The following CARNS1 variants were observed in gnomAD, a reference collection of about 807,000 sequenced individuals.
CARNS1 encodes ATP-grasp domain containing 1.
A neutral mutation model predicts 74.0 loss-of-function variants in CARNS1; 61 were observed. The observed-to-expected ratio is 0.82, with a 90% CI of 0.67 to 1.02. The LOEUF (loss-of-function observed/expected upper bound fraction) is 1.02. CARNS1 is among the 50% of genes least tolerant of loss of function. The pLI is 0.00. For missense variants in CARNS1, 1,278 were observed against 1,308.4 expected (o/e 0.98, Z 0.36); for synonymous variants, 568 against 605.5 (o/e 0.94, Z 0.91).
rs1173780701 is a variant in CARNS1 at position 67,420,975 on chromosome 11, T to C, written c.1382T>C (p.Leu461Pro). The change falls in exon 9 of 10, where the codon CTG (leucine) becomes CCG (proline). Residue 461 changes from leucine to proline, a missense_variant. Leu to Pro is a moderately conservative substitution (Grantham distance 98). Coordinates refer to ENST00000687366, the MANE Select transcript of CARNS1 (RefSeq NM_001166222.2). ...DFALTAAGGV[L>P]TPVALELNGG... ...GCGCTGACAGCGGCCGGCGGCGTGC[T>C]GACCCCAGTGGCCCTGGAGCTGAAC... is the stretch of plus-strand genomic sequence containing the variant. The C allele has an allele frequency of 1.4e-6, 2 of 1,429,242 alleles. No individual in the cohort carries two copies. The highest frequency in any genetic ancestry group is 2.7e-5 in the South Asian group (2 of 73,582). The allele number at this position is 1,429,242 out of a possible 1,614,324, so 88.5% of individuals were successfully genotyped here.
chr11:67,419,866 A>G, intron 7 of CARNS1, 28 bp downstream of exon 7: 4 of 1,553,174 alleles, frequency 2.6e-6, no homozygotes, highest in Non-Finnish European at 3.5e-6. Flanking sequence ...CCAGGCTGTG[A>G]CCCTGCCTGC....
chr11:67,416,112 G>A (rs1254133690), intron 1 of CARNS1, 64 bp from the exon 2 acceptor site: 3 of 998,612 alleles, frequency 3.0e-6, no homozygotes, highest in South Asian at 1.4e-5. Context: ...GGGGCTGGAA[G>A]GCCAGGCAGG....
chr11:67,419,885 A>G, intron 7 of CARNS1, 47 bp downstream of exon 7: 1 of 1,540,552 alleles, frequency 6.5e-7, no homozygotes, highest in South Asian at 1.2e-5. Context: ...GCCACACGCC[A>G]GCCCAGTCCC....
intron 9 of CARNS1, among the ~76,000 whole-genome samples, 163 bp downstream of exon 9, chr11:67,421,382 A>T (rs974146101): frequency 6.6e-6 from 1 of 152,174 alleles, no homozygotes; most frequent in Non-Finnish European, 1.5e-5. Context: ...AAGTAAGCCC[A>T]GGAGTAAGGG....
chr11:67,425,205 T>C lies in CARNS1; in HGVS notation c.*604T>C, dbSNP rs997631185. On this transcript the variant is annotated 3_prime_UTR_variant, in exon 10 of 10. Transcript: ENST00000687366. ...CACCCCAGGCAGACACAACTGCCTATGTTCCCCCGATGAGAGGAAACAGGC... is the reference window on the plus strand; with the variant it reads ...CACCCCAGGCAGACACAACTGCCTACGTTCCCCCGATGAGAGGAAACAGGC... The C allele has an allele frequency of 2.3e-5, 9 of 391,006 alleles. No homozygotes were observed. Among genetic ancestry groups the C allele is most frequent in the Non-Finnish European group, 2.0e-5 (4 of 196,060 alleles). 24.2% of individuals were successfully genotyped at this position (391,006 alleles called of 1,614,324 possible).
rs926414866 is a variant in CARNS1, at chr11:67,416,933, G to A, written c.4-474G>A. ...ACAGTGGAATCACATTTAGGTGTCA[G>A]CACACTCCATGCCGGGTCATGAGAC... On this transcript the variant is annotated intron_variant, in intron 2 of 9. Transcript: ENST00000687366. 4 of 988,194 alleles carry A rather than the reference G, an allele frequency of 4.0e-6. No individual in the cohort carries two copies. In the African/African-American group the frequency reaches 5.2e-5, roughly 13 times the overall value. 61.2% of individuals were successfully genotyped at this position (988,194 alleles called of 1,614,324 possible).
chr11:67,415,960 A>C, intron 1 of CARNS1, 197 bp downstream of exon 1: 3 of 442,748 alleles, frequency 6.8e-6, no homozygotes, highest in Admixed American at 3.5e-5. Context: ...CCAGGGCAGG[A>C]AGGACCTGTG....
rs763662357 is a variant in CARNS1 at position 67,424,467 on chromosome 11, G to A, written c.2719G>A (p.Glu907Lys). 4.4e-6 allele frequency: 7 copies of A among 1,588,718 alleles called. No individual in the cohort carries two copies. The South Asian group carries it at 5.7e-5, about 13-fold the overall frequency. Residue 907 changes from glutamate to lysine, a missense_variant, in exon 10 of 10, where the codon GAG becomes AAG. Physicochemically the swap from Glu to Lys is moderately conservative, Grantham distance 56. This residue lies in a region of CARNS1 where 1,164 missense variants were observed against 1,156.5 expected (regional missense o/e 1.01). Coordinates refer to ENST00000687366, the MANE Select transcript of CARNS1 (RefSeq NM_001166222.2). ...EEALVPGEYE[E>K]PYCSVACAGP... Reference sequence around the variant, plus strand: ...GGCCCTGGTGCCTGGCGAGTATGAGGAGCCCTACTGCAGTGTGGCCTGTGC... The same window carrying A: ...GGCCCTGGTGCCTGGCGAGTATGAGAAGCCCTACTGCAGTGTGGCCTGTGC...
At position 67,421,207 on chromosome 11, in the gene CARNS1, C is replaced by A; in HGVS notation, c.1614C>A (p.Asp538Glu). The change falls in exon 9 of 10, where the codon GAC becomes GAA. Residue 538 changes from aspartate (D) to glutamate (E), a missense_variant. Transcript: ENST00000687366. ...SKKFVWEAAR[D>E]YGLQLHLVES... ...AGTTCGTGTGGGAGGCGGCGCGCGA[C>A]TACGGGCTCCAGGTGGGCGGGGCGC... The A allele has an allele frequency of 6.7e-7, 1 of 1,490,796 alleles. No homozygotes were observed. Among genetic ancestry groups the A allele is most frequent in the Non-Finnish European group, 8.9e-7 (1 of 1,126,782 alleles). 92.3% of individuals were successfully genotyped at this position (1,490,796 alleles called of 1,614,324 possible). A position where few individuals can be genotyped will look rare whatever the true frequency, so the allele number is the denominator to read the frequency against.
At position 67,419,876 on chromosome 11, in the gene CARNS1, C is replaced by T. The variant is rs781602083; in HGVS notation, c.1113+38C>T. 2.6e-6 allele frequency: 4 copies of T among 1,543,562 alleles called. No individual in the cohort carries two copies. The East Asian group carries it at 7.3e-5, about 28-fold the overall frequency. ...CAGGCCCAGGCTGTGACCCTGCCTGCCACACGCCAGCCCAGTCCCAGTAGT... is the reference window on the plus strand; with the variant it reads ...CAGGCCCAGGCTGTGACCCTGCCTGTCACACGCCAGCCCAGTCCCAGTAGT... On this transcript the variant is annotated intron_variant, in intron 7 of 9. Transcript: ENST00000687366.
In CARNS1 at chr11:67,419,635, ACCCACCTG is replaced by A. The variant is rs1418720270; in HGVS notation, c.1006_1013del (p.Pro336AlafsTer27). 6.3e-7 allele frequency: 1 copy of A among 1,599,050 alleles called. No individual in the cohort carries two copies. The highest frequency in any genetic ancestry group is 2.3e-5 in the East Asian group (1 of 44,156). On this transcript the variant is annotated frameshift_variant, in exon 6 of 10. Coordinates refer to ENST00000687366, the MANE Select transcript of CARNS1 (RefSeq NM_001166222.2). LOFTEE classifies it high-confidence loss of function. ...GAGAGTGTCCTGGTGGAGGCTGTGT[ACCCACCTG>A]CCCAGCTGCCCTGCTCAGGTGAGAG...
chr11:67,418,749 C>A lies in CARNS1; in HGVS notation c.365-7C>A, dbSNP rs371219030. 1.9e-6 allele frequency: 3 copies of A among 1,575,914 alleles called. No homozygotes were observed. In the African/African-American group the frequency reaches 4.1e-5, roughly 21 times the overall value. ...CCTGGCCAGCCACTTGCCTTCTCTG[C>A]CCACAGGAAACATGCTCCTTTGCCT... On this transcript the variant is annotated splice_region_variant and splice_polypyrimidine_tract_variant and intron_variant, in intron 4 of 9. Coordinates refer to ENST00000687366, the MANE Select transcript of CARNS1 (RefSeq NM_001166222.2).
Position 67,424,470 on chromosome 11 carries a change from C to A in CARNS1, c.2722C>A (p.Pro908Thr), listed in dbSNP as rs1263558308. Residue 908 changes from proline (P) to threonine (T), a missense_variant, in exon 10 of 10, where the codon CCC (proline) becomes ACC (threonine). Coordinates refer to ENST00000687366, the MANE Select transcript of CARNS1 (RefSeq NM_001166222.2). ...EALVPGEYEE[P>T]YCSVACAGPS... Reference sequence around the variant, plus strand: ...CCTGGTGCCTGGCGAGTATGAGGAGCCCTACTGCAGTGTGGCCTGTGCCGG... The same window carrying A: ...CCTGGTGCCTGGCGAGTATGAGGAGACCTACTGCAGTGTGGCCTGTGCCGG... 3 of 1,588,614 alleles carry A rather than the reference C, an allele frequency of 1.9e-6. No individual in the cohort carries two copies. Among genetic ancestry groups the A allele is most frequent in the Admixed American group, 1.8e-5 (1 of 55,956 alleles).
chr11:67,418,764 C>T lies in CARNS1; in HGVS notation c.373C>T (p.Leu125Phe). 1.9e-6 allele frequency: 3 copies of T among 1,589,930 alleles called. No homozygotes were observed. Among genetic ancestry groups the T allele is most frequent in the Non-Finnish European group, 2.6e-6 (3 of 1,167,468 alleles). ...GCCTTCTCTGCCCACAGGAAACATG[C>T]TCCTTTGCCTGTCCCCTGCTTGGCT... ...EGGVQSPGNMLLCLSPAWLMK... is the reference protein window; with the variant it reads ...EGGVQSPGNMFLCLSPAWLMK... Residue 125 changes from leucine to phenylalanine, a missense_variant, in exon 5 of 10, where the codon CTC (leucine) becomes TTC (phenylalanine). Coordinates refer to ENST00000687366, the MANE Select transcript of CARNS1 (RefSeq NM_001166222.2).
In CARNS1 at chr11:67,424,948, C is replaced by T; in HGVS notation, c.*347C>T. ...GCCCAAACCCAGCCCCTCCTGTCCA[C>T]CTCTCCAGGTCTCACTCTCTTCCTG... On this transcript the variant is annotated 3_prime_UTR_variant, in exon 10 of 10. Transcript: ENST00000687366. The T allele has an allele frequency of 1.8e-6, 1 of 545,924 alleles. No homozygotes were observed. Among genetic ancestry groups the T allele is most frequent in the South Asian group, 1.5e-5 (1 of 65,354 alleles). 33.8% of individuals were successfully genotyped at this position (545,924 alleles called of 1,614,324 possible). A position where few individuals can be genotyped will look rare whatever the true frequency, so the allele number is the denominator to read the frequency against.
Position 67,417,450 on chromosome 11 carries a change from G to C in CARNS1, c.47G>C (p.Gly16Ala), listed in dbSNP as rs1590956792. The C allele has an allele frequency of 7.0e-7, 1 of 1,435,078 alleles. No homozygotes were observed. Among genetic ancestry groups the C allele is most frequent in the African/African-American group, 1.5e-5 (1 of 68,254 alleles). 88.9% of individuals were successfully genotyped at this position (1,435,078 alleles called of 1,614,324 possible). A position where few individuals can be genotyped will look rare whatever the true frequency, so the allele number is the denominator to read the frequency against. Residue 16 changes from glycine (G) to alanine (A), a missense_variant, in exon 3 of 10, where the codon GGC becomes GCC. Gly to Ala is a moderately conservative substitution (Grantham distance 60). This residue lies in a region of CARNS1 where 104 missense variants were observed against 127.3 expected (regional missense o/e 0.82). Transcript: ENST00000687366. ...PSGPEWDCPL[G>A]SKDLEEEGPW... Reference sequence around the variant, plus strand: ...GGTCCCGAGTGGGATTGCCCACTGGGCTCCAAGGACCTGGAGGAAGAGGGC... The same window carrying C: ...GGTCCCGAGTGGGATTGCCCACTGGCCTCCAAGGACCTGGAGGAAGAGGGC...
chr11:67,416,558 C>T, intron 2 of CARNS1: 2 of 1,108,358 alleles, frequency 1.8e-6, no homozygotes, highest in Non-Finnish European at 2.2e-6. Flanking sequence ...CTCTTCGTCC[C>T]AGCCTCATCA....
rs59798232 is a variant in CARNS1 at position 67,424,861 on chromosome 11, C to CCACACACACACACACACACA, written c.*272_*291dup. 436 of 508,892 alleles carry CCACACACACACACACACACA rather than the reference C, an allele frequency of 8.6e-4. 4 individuals carry two copies. The highest frequency in any genetic ancestry group is 6.1e-3 in the East Asian group (148 of 24,238). 31.5% of individuals were successfully genotyped at this position (508,892 alleles called of 1,614,324 possible). On this transcript the variant is annotated 3_prime_UTR_variant, in exon 10 of 10. Transcript: ENST00000687366. Reference sequence around the variant, plus strand: ...TCTAGCCTTGGAGAAATGACAATGGCCACACACACACACACACACACACAC... The same window carrying CCACACACACACACACACACA: ...TCTAGCCTTGGAGAAATGACAATGGCCACACACACACACACACACACACACACACACACACACACACACAC...
rs1322609114 is a variant in CARNS1, at chr11:67,423,547, G to T, written c.1799G>T (p.Cys600Phe). The change falls in exon 10 of 10, where the codon TGC becomes TTC. Residue 600 changes from cysteine (C) to phenylalanine (F), a missense_variant. Physicochemically the swap from Cys to Phe is radical, Grantham distance 205. Around this residue, in one of 3 missense-constraint regions of CARNS1, gnomAD observed 1,164 missense variants for 1,156.5 expected, o/e 1.01. Transcript: ENST00000687366. The surrounding 1 kb of genome is among the most constrained non-coding windows in gnomAD (Gnocchi z 5.1). ...GGCTGCTTCTCCTACTGGGATGACT[G>T]CCTGGTGCTCACAGCCCTGCTCTGC... ...LDGCFSYWDD[C>F]LVLTALLCQE... 4 of 1,612,604 alleles carry T rather than the reference G, an allele frequency of 2.5e-6. No individual in the cohort carries two copies. Among genetic ancestry groups the T allele is most frequent in the Non-Finnish European group, 1.7e-6 (2 of 1,179,306 alleles).
Sources: gnomAD v4.1 joint callset for allele counts (sites outside exome capture counted in the v4.1 genomes callset) on GRCh38, gnomAD v4.1.1 for gene constraint, gnomAD v4.1.1 regional missense constraint, Gnocchi (gnomAD v3.1) non-coding constraint, MANE v1.5 for transcripts, NCBI Gene and HGNC (gene_info 2026-07-23, HGNC 2026-07-21) for gene names.